CENPP: variants seen among roughly 807,000 people sequenced by gnomAD.
CENPP encodes centromere protein P.
Under a neutral mutation model 35.6 loss-of-function variants are expected in CENPP, and 24 were observed. The observed-to-expected ratio is 0.67, with a 90% CI of 0.49 to 0.95. CENPP has a LOEUF of 0.95. Among genes scored for constraint, CENPP ranks in the 40% least tolerant of loss-of-function variants. The pLI, the probability that CENPP is intolerant of heterozygous loss-of-function variation, is 0.00. For synonymous variants in CENPP, 120 were observed against 125.5 expected (o/e 0.96, Z 0.29); for missense variants, 332 against 345.3 (o/e 0.96, Z 0.31).
intron 5 of CENPP, chr9:92,386,261 A>C: frequency 6.2e-7 from 1 of 1,613,584 alleles, no homozygotes; most frequent in Middle Eastern, 1.7e-4. Flanking sequence ...CCAGGGCATT[A>C]TGGTCCAAGT....
At chr9:92,512,108 A>G in intron 5 of CENPP, 1 of 1,613,696 alleles carries the variant, frequency 6.2e-7, no homozygotes, top group Admixed American at 1.7e-5. Flanking sequence ...TTCATCTGGG[A>G]TGGAGGCGAT....
intron 5 of CENPP, among the ~76,000 whole-genome samples, chr9:92,533,196 A>T (rs1361937896): frequency 6.7e-6 from 1 of 148,220 alleles, no homozygotes; most frequent in African/African-American, 2.5e-5. Flanking sequence ...GATACTCAGG[A>T]AGCTGAGGCA....
intron 5 of CENPP, among the ~76,000 whole-genome samples, chr9:92,442,398 C>CAAAAAAAAAAAAAAAAAA (rs71362387): frequency 1.3e-5 from 1 of 74,480 alleles, no homozygotes. Context: ...AACTCTGTCT[C>CAAAAAAAAAAAAAAAAAA]AAAAAAAAAA....
At chr9:92,515,251 A>G (rs1162663053) in intron 5 of CENPP, 1 of 1,420,154 alleles carries the variant, frequency 7.0e-7, no homozygotes. Flanking sequence ...TGATGATATT[A>G]ATAAAAGAAA....
At chr9:92,371,556 C>T (rs774577393) in intron 4 of CENPP, among the ~76,000 whole-genome samples, 1 of 152,088 alleles carries the variant, frequency 6.6e-6, no homozygotes. Flanking sequence ...GAACGTTCTA[C>T]GTTCTGATGA....
intron 5 of CENPP, among the ~76,000 whole-genome samples, chr9:92,407,259 C>G (rs1843331103): frequency 6.6e-6 from 1 of 152,086 alleles, no homozygotes; most frequent in African/African-American, 2.4e-5. Flanking sequence ...ACTACATAAC[C>G]CAAATCCCTT....
intron 5 of CENPP, chr9:92,460,447 C>G (rs1283974235): frequency 7.1e-7 from 1 of 1,404,440 alleles, no homozygotes; most frequent in African/African-American, 1.4e-5. Flanking sequence ...AGGTATCATT[C>G]TAAGTTAAAA....
intron 5 of CENPP, among the ~76,000 whole-genome samples, chr9:92,478,786 G>C (rs1352550192): frequency 6.6e-6 from 1 of 151,838 alleles, no homozygotes; most frequent in Non-Finnish European, 1.5e-5. Flanking sequence ...TAGAATCTTT[G>C]AACCAAATGG....
intron 5 of CENPP, among the ~76,000 whole-genome samples, chr9:92,429,413 A>G (rs1248512729): frequency 1.3e-5 from 2 of 152,236 alleles, no homozygotes; most frequent in African/African-American, 2.4e-5. Flanking sequence ...ATACTTGGCT[A>G]AAGTCTACAG....
At chr9:92,432,384 G>A (rs1279696076) in intron 5 of CENPP, among the ~76,000 whole-genome samples, 7 of 151,970 alleles carry the variant, frequency 4.6e-5, no homozygotes, top group African/African-American at 1.7e-4. Flanking sequence ...TGCTTTTAAG[G>A]GACTAGCTCT....
chr9:92,559,740 A>T (rs1849808593), intron 5 of CENPP, among the ~76,000 whole-genome samples: 1 of 151,998 alleles, frequency 6.6e-6, no homozygotes, highest in African/African-American at 2.4e-5. Flanking sequence ...GGCTCAAGAG[A>T]TCCTCCTGCC....
chr9:92,408,693 C>T (rs956100892), intron 5 of CENPP, among the ~76,000 whole-genome samples: 2 of 152,110 alleles, frequency 1.3e-5, no homozygotes, highest in Non-Finnish European at 2.9e-5. Context: ...TTAGCAGCAC[C>T]TCTGCCTTCT....
At chr9:92,415,345 T>A (rs142056236) in intron 5 of CENPP, 5 of 1,613,574 alleles carry the variant, frequency 3.1e-6, no homozygotes, top group Non-Finnish European at 4.2e-6. Context: ...ATAAATAGTG[T>A]GTATATGAGG....
At chr9:92,458,308 A>G (rs1237879067) in intron 5 of CENPP, among the ~76,000 whole-genome samples, 1 of 152,192 alleles carries the variant, frequency 6.6e-6, no homozygotes, top group Non-Finnish European at 1.5e-5. Context: ...CTTAACTGAC[A>G]GCATTTTTGT....
At chr9:92,374,119 CAAAAAA>C (rs35803886) in intron 4 of CENPP, among the ~76,000 whole-genome samples, 23 of 97,880 alleles carry the variant, frequency 2.3e-4, no homozygotes, top group African/African-American at 9.3e-4. Context: ...CAGCAGTGAC[CAAAAAA>C]AAAAAAAAAA....
intron 5 of CENPP, chr9:92,494,056 G>A (rs1259215681): frequency 1.4e-5 from 22 of 1,595,312 alleles, no homozygotes; most frequent in Non-Finnish European, 1.7e-5. Flanking sequence ...CTGCTTACTT[G>A]TCTGTTTGAT....
intron 5 of CENPP, among the ~76,000 whole-genome samples, chr9:92,496,973 A>G (rs1846384000): frequency 6.6e-6 from 1 of 152,010 alleles, no homozygotes; most frequent in Admixed American, 6.5e-5. Flanking sequence ...GCTCATTAAC[A>G]TATTCTAATA....
At chr9:92,457,045 T>C (rs1358291965) in intron 5 of CENPP, 2 of 1,274,194 alleles carry the variant, frequency 1.6e-6, no homozygotes, top group East Asian at 3.5e-5. Flanking sequence ...ATGAGATTTA[T>C]GTAAGATCAT....
intron 5 of CENPP, chr9:92,417,291 G>T (rs775867214): frequency 1.2e-5 from 20 of 1,614,070 alleles, no homozygotes; most frequent in Non-Finnish European, 1.6e-5. Flanking sequence ...ATGTGCATCG[G>T]AATATTTGGG....
Sources: gnomAD v4.1 joint callset for allele counts (sites outside exome capture counted in the v4.1 genomes callset) on GRCh38, gnomAD v4.1.1 for gene constraint, MANE v1.5 for transcripts, NCBI Gene and HGNC (gene_info 2026-07-23, HGNC 2026-07-21) for gene names.